The following TENM3 variants were observed in gnomAD, a reference collection of about 807,000 sequenced individuals.
The protein encoded by TENM3 is teneurin-3.
Under a neutral mutation model 255.1 loss-of-function variants are expected in TENM3, and 63 were observed. The ratio of observed to expected loss-of-function variants is 0.25; its 90% CI spans 0.20 to 0.30. The LOEUF (loss-of-function observed/expected upper bound fraction) is 0.30, where lower values mean the gene tolerates loss of function less well. Ranked by LOEUF, TENM3 falls within the 10% of genes least tolerant of loss-of-function variation. TENM3 has a pLI of 1.00. For missense variants in TENM3, 2,929 were observed against 3,461.1 expected, an observed-to-expected ratio of 0.85 and a Z score of 3.86; for synonymous variants, 1,306 against 1,322.3, an observed-to-expected ratio of 0.99 and a Z score of 0.27.
chr4:182,096,678 C>A, the TENM3 span, among the ~76,000 whole-genome samples: 1 of 152,100 alleles, frequency 6.6e-6, no homozygotes, highest in Non-Finnish European at 1.5e-5. Context: ...AACACTAGAG[C>A]ATATAAAGAC....
chr4:181,970,298 G>A, the TENM3 span, among the ~76,000 whole-genome samples: 7 of 152,182 alleles, frequency 4.6e-5, no homozygotes, highest in African/African-American at 1.7e-4. Flanking sequence ...ATGAGAATTC[G>A]CTGTCAGGAT....
the TENM3 span, among the ~76,000 whole-genome samples, chr4:181,839,345 GTATATATATATATATATATATA>G: frequency 7.2e-4 from 41 of 56,670 alleles, 1 homozygote; most frequent in Admixed American, 2.9e-3. Context: ...TGTATTGAGG[GTATATATATATATATATATATA>G]TATATATATA....
chr4:181,782,847 C>T, the TENM3 span, among the ~76,000 whole-genome samples: 4 of 152,246 alleles, frequency 2.6e-5, no homozygotes, highest in East Asian at 1.9e-4. Flanking sequence ...TTTCAAAGAA[C>T]ATCTTTATTT....
At position 182,792,052 on chromosome 4, in the gene TENM3, G is replaced by C. The variant is rs1766143322; in HGVS notation, c.5602-222G>C. On this transcript the variant is annotated intron_variant, in intron 25 of 27. Coordinates refer to ENST00000511685, the MANE Select transcript of TENM3 (RefSeq NM_001080477.4). This position sits in a 1 kb window ranked among gnomAD's most constrained non-coding sequence, Gnocchi z 6.3. ...AATAATGGTACTGTCGTGACAGGCA[G>C]CACATTGTGAATCTCGAGCCACTAA... is the stretch of plus-strand genomic sequence containing the variant. 6.6e-6 allele frequency among the ~76,000 whole-genome samples: 1 copy of C among 152,160 alleles called. No individual in the cohort carries two copies. Among genetic ancestry groups the C allele is most frequent in the Admixed American group, 6.5e-5 (1 of 15,272 alleles).
At chr4:182,639,734 G>A (rs574082338) in intron 5 of TENM3, among the ~76,000 whole-genome samples, 37 of 152,220 alleles carry the variant, frequency 2.4e-4, no homozygotes, top group African/African-American at 5.5e-4. Flanking sequence ...ATTATGTCAC[G>A]AGGAAGGTCT....
the TENM3 span, among the ~76,000 whole-genome samples, chr4:181,896,467 C>G: frequency 6.6e-6 from 1 of 152,208 alleles, no homozygotes; most frequent in South Asian, 2.1e-4. Flanking sequence ...TTCTCAAAGA[C>G]ATCCTGGTAT....
the TENM3 span, among the ~76,000 whole-genome samples, chr4:182,036,123 C>T: frequency 1.3e-5 from 2 of 152,134 alleles, no homozygotes; most frequent in African/African-American, 4.8e-5. Flanking sequence ...CACTGGGTCC[C>T]TTGGTCCTTC....
Position 182,799,011 on chromosome 4 carries a change from T to C in TENM3, c.7345-585T>C, listed in dbSNP as rs763324548. Among the ~76,000 whole-genome samples, 10 of 152,332 alleles carry C rather than the reference T, an allele frequency of 6.6e-5. No homozygotes were observed. The highest frequency in any genetic ancestry group is 1.2e-4 in the Non-Finnish European group (8 of 68,032). ...AATTGTTTTCCTAAAGTAACAAATATCGTCTCCAGCTGCCCCACCTTCCAC... is the reference window on the plus strand; with the variant it reads ...AATTGTTTTCCTAAAGTAACAAATACCGTCTCCAGCTGCCCCACCTTCCAC... On this transcript the variant is annotated intron_variant, in intron 27 of 27. Transcript: ENST00000511685. This position sits in a 1 kb window ranked among gnomAD's most constrained non-coding sequence, Gnocchi z 4.2.
chr4:181,694,842 T>TTCTTA, the TENM3 span, among the ~76,000 whole-genome samples: 1 of 152,220 alleles, frequency 6.6e-6, no homozygotes, highest in Non-Finnish European at 1.5e-5. Flanking sequence ...TTTTGTGATT[T>TTCTTA]AAGACTCTGC....
chr4:181,924,948 G>T, the TENM3 span, among the ~76,000 whole-genome samples: 1 of 152,058 alleles, frequency 6.6e-6, no homozygotes, highest in Non-Finnish European at 1.5e-5. Context: ...TCTTATAAAC[G>T]GCAGGTTGAA....
the TENM3 span, among the ~76,000 whole-genome samples, chr4:182,075,415 G>T: frequency 6.6e-6 from 1 of 151,930 alleles, no homozygotes. Context: ...GGCCAGGATG[G>T]TCTCGATCTC....
At chr4:182,203,739 A>C (rs1288162071) in intron 1 of TENM3, among the ~76,000 whole-genome samples, 1 of 152,062 alleles carries the variant, frequency 6.6e-6, no homozygotes, top group Admixed American at 6.5e-5. Flanking sequence ...GCTCCATTGG[A>C]GTGTCTTTGG....
At chr4:182,478,244 C>T (rs893101775) in intron 3 of TENM3, among the ~76,000 whole-genome samples, 2 of 151,888 alleles carry the variant, frequency 1.3e-5, no homozygotes, top group Non-Finnish European at 1.5e-5. Context: ...CTAAAAATAA[C>T]CAGTCCAGTA....
At chr4:182,119,256 G>A in the TENM3 span, among the ~76,000 whole-genome samples, 1 of 152,100 alleles carries the variant, frequency 6.6e-6, no homozygotes, top group Non-Finnish European at 1.5e-5. Context: ...GATGTATTTC[G>A]AAATGGCTCC....
chr4:182,672,371 AAG>A (rs1332770988), intron 6 of TENM3, among the ~76,000 whole-genome samples: 2 of 152,210 alleles, frequency 1.3e-5, no homozygotes, highest in African/African-American at 4.8e-5. Flanking sequence ...GCTCAAAAGA[AAG>A]AGGAAAAGTT....
intron 12 of TENM3, among the ~76,000 whole-genome samples, chr4:182,705,977 A>G (rs1758252533): frequency 6.6e-6 from 1 of 152,224 alleles, no homozygotes; most frequent in Non-Finnish European, 1.5e-5. Flanking sequence ...ACTGTCATTT[A>G]TGAAGCGGTG....
In TENM3 at chr4:182,161,784, C is replaced by T. The variant is rs372215698; in HGVS notation, c.-76+17030C>T. Among the ~76,000 whole-genome samples, 20 of 13,102 alleles carry T rather than the reference C, an allele frequency of 1.5e-3. 6 individuals are homozygous for T. Among genetic ancestry groups the T allele is most frequent in the African/African-American group, 3.0e-3 (14 of 4,718 alleles). The allele number at this position is 13,102 out of a possible 152,430, so 8.6% of individuals were successfully genotyped here. A position where few individuals can be genotyped will look rare whatever the true frequency, so the allele number is the denominator to read the frequency against. Reference sequence around the variant, plus strand: ...ATATATATGTGTATATATATATACACAAATATATGTATATATATACACATA... The same window carrying T: ...ATATATATGTGTATATATATATACATAAATATATGTATATATATACACATA... On this transcript the variant is annotated intron_variant, in intron 1 of 2. Transcript: ENST00000512480.
chr4:181,840,201 C>T, the TENM3 span, among the ~76,000 whole-genome samples: 1 of 151,990 alleles, frequency 6.6e-6, no homozygotes, highest in Non-Finnish European at 1.5e-5. Flanking sequence ...CTAAATTTTT[C>T]ATTTTCTTTA....
rs1285415598 is a variant in TENM3 at position 182,754,806 on chromosome 4, C to A, written c.4439C>A (p.Ser1480Tyr). 2 of 1,614,046 alleles carry A rather than the reference C, an allele frequency of 1.2e-6. No homozygotes were observed. The highest frequency in any genetic ancestry group is 1.7e-5 in the Admixed American group (1 of 60,032). Reference sequence around the variant, plus strand: ...AGTGCCCCATCCTCCCTGGCTGCTTCTCCAGATGGTACACTGTATATTGCA... The same window carrying A: ...AGTGCCCCATCCTCCCTGGCTGCTTATCCAGATGGTACACTGTATATTGCA... ...KLSAPSSLAA[S>Y]PDGTLYIADL... is the part of the protein sequence containing the mutation. The change falls in exon 22 of 28, where the codon TCT (serine) becomes TAT (tyrosine). Residue 1480 changes from serine (S) to tyrosine (Y), a missense_variant. Ser to Tyr is a moderately radical substitution (Grantham distance 144). Around this residue, in one of 6 missense-constraint regions of TENM3, gnomAD observed 1,608 missense variants for 1,884.4 expected, o/e 0.85. Coordinates refer to ENST00000511685, the MANE Select transcript of TENM3 (RefSeq NM_001080477.4). The surrounding 1 kb of genome is among the most constrained non-coding windows in gnomAD (Gnocchi z 5.1).
Sources: allele counts gnomAD v4.1 joint callset (sites outside exome capture counted in the v4.1 genomes callset), GRCh38; gene constraint gnomAD v4.1.1; regional missense constraint gnomAD v4.1.1; non-coding constraint Gnocchi (gnomAD v3.1); transcripts MANE v1.5; gene names NCBI Gene and HGNC (gene_info 2026-07-23, HGNC 2026-07-21).